TRAPPC10: variants seen among roughly 807,000 people sequenced by gnomAD.
TRAPPC10 encodes the protein trafficking protein particle complex subunit 10, also known as TRAPP 130 kDa subunit.
A neutral mutation model predicts 125.5 loss-of-function variants in TRAPPC10; 23 were observed. That is an observed-to-expected ratio of 0.18 (90% CI 0.13 to 0.26). The LOEUF is 0.26. Ranked by LOEUF, TRAPPC10 falls within the 10% of genes least tolerant of loss-of-function variation. The probability of loss-of-function intolerance (pLI) is 1.00; values close to 1 mark genes in which losing one functional copy is unlikely to be tolerated. For synonymous variants in TRAPPC10, 509 were observed against 518.0 expected (o/e 0.98, Z 0.24); for missense variants, 1,123 against 1,308.4 (o/e 0.86, Z 2.19).
intron 4 of TRAPPC10, among the ~76,000 whole-genome samples, chr21:44,054,995 C>G (rs117837533): frequency 6.6e-6 from 1 of 152,142 alleles, no homozygotes; most frequent in African/African-American, 2.4e-5. Context: ...AGTGAGACAT[C>G]GTGGTCCTTT....
chr21:44,059,346 C>G lies in TRAPPC10; in HGVS notation c.790+132C>G. On this transcript the variant is annotated intron_variant, in intron 6 of 22. Transcript: ENST00000291574. This position sits in a 1 kb window ranked among gnomAD's most constrained non-coding sequence, Gnocchi z 4.4. ...GTTGTTGTCTTTATACACATTATAT[C>G]GGATATATTCTCGTGATTCCTAGAG... 1 of 691,278 alleles carries G rather than the reference C, an allele frequency of 1.4e-6. No individual in the cohort carries two copies. Among genetic ancestry groups the G allele is most frequent in the Non-Finnish European group, 2.6e-6 (1 of 385,372 alleles). The allele number at this position is 691,278 out of a possible 1,614,324, so 42.8% of individuals were successfully genotyped here.
intron 1 of TRAPPC10, among the ~76,000 whole-genome samples, chr21:44,022,450 A>ATTTTT (rs71197876): frequency 0.068 from 6,610 of 96,726 alleles, 691 homozygotes; most frequent in African/African-American, 0.2. Context: ...TGCCCAGCTA[A>ATTTTT]TTTTTTTTTT....
chr21:44,018,138 ATTTTCTTTTTTT>A (rs2032081259), intron 1 of TRAPPC10, among the ~76,000 whole-genome samples: 1 of 131,356 alleles, frequency 7.6e-6, no homozygotes, highest in Admixed American at 7.1e-5. Flanking sequence ...GAAAGGTCTG[ATTTTCTTTTTTT>A]TTTTCTTTTT....
intron 1 of TRAPPC10, among the ~76,000 whole-genome samples, chr21:44,013,665 G>A (rs1170077680): frequency 6.6e-6 from 1 of 152,186 alleles, no homozygotes; most frequent in East Asian, 1.9e-4. Context: ...TTCAGCTTTA[G>A]GTGATAGACT....
At chr21:44,055,421 C>T (rs945836417) in intron 4 of TRAPPC10, among the ~76,000 whole-genome samples, 1 of 151,970 alleles carries the variant, frequency 6.6e-6, no homozygotes, top group Non-Finnish European at 1.5e-5. Flanking sequence ...AAGACCTCAC[C>T]TTTACAAAAA....
intron 3 of TRAPPC10, among the ~76,000 whole-genome samples, chr21:44,047,225 C>T (rs1042104244): frequency 6.6e-6 from 1 of 152,150 alleles, no homozygotes; most frequent in Admixed American, 6.5e-5. Flanking sequence ...CTCTGTCACC[C>T]AGGCTGGAGT....
In TRAPPC10 at chr21:44,091,968, T is replaced by C. The variant is rs1385388348; in HGVS notation, c.2916T>C (p.Phe972=). The change falls in exon 19 of 23, where the codon TTT becomes TTC. Residue 972 remains phenylalanine (F), a synonymous_variant. Coordinates refer to ENST00000291574, the MANE Select transcript of TRAPPC10 (RefSeq NM_003274.5). ...VCVQNLSELD[F]QLSDSYLVDT... ...TCCAGAATTTGTCAGAACTTGACTT[T>C]CAGCTGTCAGATAGTTATCTTGTAG... is the stretch of plus-strand genomic sequence containing the variant. 5.6e-6 allele frequency: 9 copies of C among 1,614,060 alleles called. No homozygotes were observed. Among genetic ancestry groups the C allele is most frequent in the Non-Finnish European group, 7.6e-6 (9 of 1,180,032 alleles).
In TRAPPC10 at chr21:44,080,160, A is replaced by G. The variant is rs781039653; in HGVS notation, c.1723+33A>G. The G allele has an allele frequency of 9.1e-6, 14 of 1,545,926 alleles. No homozygotes were observed. In the South Asian group the frequency reaches 1.1e-4, roughly 12 times the overall value. On this transcript the variant is annotated intron_variant, in intron 13 of 22. Coordinates refer to ENST00000291574, the MANE Select transcript of TRAPPC10 (RefSeq NM_003274.5). ...CAGTTCTTACAACTTGACTAGGAAT[A>G]TTTTCAAATATTACAGAAGTAAAAA...
chr21:44,068,212 G>A (rs1313822173), intron 7 of TRAPPC10, among the ~76,000 whole-genome samples: 1 of 152,124 alleles, frequency 6.6e-6, no homozygotes. Context: ...ATTTTCAGCA[G>A]AGAGTGAAAT....
chr21:44,055,577 CAAAAAA>C, intron 4 of TRAPPC10, 115 bp from the exon 5 acceptor site: 7 of 591,612 alleles, frequency 1.2e-5, no homozygotes, highest in African/African-American at 4.3e-5. Context: ...AACTCTGTCT[CAAAAAA>C]AAAAAAAAAA....
At chr21:44,083,535 AT>A in intron 14 of TRAPPC10, among the ~76,000 whole-genome samples, 1 of 152,162 alleles carries the variant, frequency 6.6e-6, no homozygotes, top group East Asian at 1.9e-4. Flanking sequence ...TTGTTCTTAG[AT>A]TAAGTTAGCT....
chr21:44,029,348 C>T (rs1268847824), intron 1 of TRAPPC10, among the ~76,000 whole-genome samples: 2 of 152,212 alleles, frequency 1.3e-5, no homozygotes, highest in African/African-American at 2.4e-5. Context: ...CCCACCTCGG[C>T]CTCCCAATCT....
chr21:44,089,629 C>G (rs1217606895), intron 17 of TRAPPC10: 2 of 599,910 alleles, frequency 3.3e-6, no homozygotes, highest in Non-Finnish European at 6.3e-6. Context: ...GTTCGTTTCT[C>G]TTGTCTGTAT....
intron 1 of TRAPPC10, among the ~76,000 whole-genome samples, chr21:44,016,085 C>G (rs2147113354): frequency 6.6e-6 from 1 of 152,310 alleles, no homozygotes; most frequent in South Asian, 2.1e-4. Flanking sequence ...GTTAGTGGAA[C>G]TAATGCTTTG....
intron 2 of TRAPPC10, among the ~76,000 whole-genome samples, chr21:44,036,522 C>T (rs2033996182): frequency 6.6e-6 from 1 of 152,230 alleles, no homozygotes; most frequent in African/African-American, 2.4e-5. Context: ...GTACAGAAAG[C>T]CATTCCTGTC....
At chr21:44,019,246 C>T (rs948451521) in intron 1 of TRAPPC10, among the ~76,000 whole-genome samples, 1 of 152,138 alleles carries the variant, frequency 6.6e-6, no homozygotes, top group African/African-American at 2.4e-5. Context: ...GATGGGGTTT[C>T]GCCATGTTGC....
At chr21:44,084,672 A>G (rs2038006410) in intron 15 of TRAPPC10, among the ~76,000 whole-genome samples, 1 of 152,108 alleles carries the variant, frequency 6.6e-6, no homozygotes, top group Non-Finnish European at 1.5e-5. Flanking sequence ...GACCCTGTCT[A>G]CTGGAGCTGG....
intron 3 of TRAPPC10, among the ~76,000 whole-genome samples, chr21:44,042,825 T>TA (rs1457884116): frequency 1.3e-5 from 2 of 152,184 alleles, no homozygotes; most frequent in African/African-American, 2.4e-5. Flanking sequence ...GTTTACAACT[T>TA]ACAGTTTTTA....
At chr21:44,048,224 C>G (rs2034989810) in intron 3 of TRAPPC10, among the ~76,000 whole-genome samples, 1 of 152,178 alleles carries the variant, frequency 6.6e-6, no homozygotes, top group Non-Finnish European at 1.5e-5. Context: ...TGTCCCTCTC[C>G]TCTCCTAACA....
Sources: gnomAD v4.1 joint callset for allele counts (sites outside exome capture counted in the v4.1 genomes callset) on GRCh38, gnomAD v4.1.1 for gene constraint, Gnocchi (gnomAD v3.1) non-coding constraint, MANE v1.5 for transcripts, NCBI Gene and HGNC (gene_info 2026-07-23, HGNC 2026-07-21) for gene names.